Variants in CLEC2D observed in about 807,000 individuals in gnomAD.
CLEC2D encodes the protein C-type lectin related f.
Under a neutral mutation model 20.0 loss-of-function variants are expected in CLEC2D, and 16 were observed. The observed-to-expected ratio is 0.80, with a 90% CI of 0.54 to 1.22. The LOEUF (loss-of-function observed/expected upper bound fraction) is 1.22, where lower values mean the gene tolerates loss of function less well. Ranked by LOEUF, CLEC2D falls within the 50% of genes most tolerant of loss-of-function variation. CLEC2D has a pLI of 0.00. For missense variants in CLEC2D, 207 were observed against 221.5 expected (o/e 0.93, Z 0.42); for synonymous variants, 77 against 71.1 (o/e 1.08, Z -0.42).
intron 3 of CLEC2D, among the ~76,000 whole-genome samples, chr12:9,691,469 C>T (rs763955463): frequency 1.3e-5 from 2 of 151,850 alleles, no homozygotes; most frequent in African/African-American, 2.4e-5. Flanking sequence ...ATTAATTCTT[C>T]TCAAATGCAC....
At chr12:9,688,663 T>G (rs765215191) in intron 3 of CLEC2D, among the ~76,000 whole-genome samples, 2 of 152,270 alleles carry the variant, frequency 1.3e-5, no homozygotes, top group South Asian at 4.1e-4. Flanking sequence ...AGGCCTACAG[T>G]TAGCTGAAAT....
At chr12:9,680,747 T>C (rs1365410518) in intron 1 of CLEC2D, among the ~76,000 whole-genome samples, 176 bp from the exon 2 acceptor site, 1 of 152,184 alleles carries the variant, frequency 6.6e-6, no homozygotes, top group African/African-American at 2.4e-5. Context: ...TCTTTTAACT[T>C]TGGAAAATGA....
intron 3 of CLEC2D, among the ~76,000 whole-genome samples, chr12:9,689,665 T>TA (rs1435811548): frequency 6.6e-6 from 1 of 151,884 alleles, no homozygotes; most frequent in African/African-American, 2.4e-5. Flanking sequence ...GTAGAAATTG[T>TA]AAAAAAGAAC....
chr12:9,697,178 A>G lies in CLEC2D; in HGVS notation c.*2304A>G, dbSNP rs982551408. The G allele has an allele frequency of 3.3e-5, 5 of 152,162 alleles. No homozygotes were observed. Among genetic ancestry groups the G allele is most frequent in the African/African-American group, 1.2e-4 (5 of 41,442 alleles). 9.4% of individuals were successfully genotyped at this position (152,162 alleles called of 1,614,324 possible). On this transcript the variant is annotated 3_prime_UTR_variant, in exon 5 of 5. Coordinates refer to ENST00000290855, the MANE Select transcript of CLEC2D (RefSeq NM_013269.6). ...AACAAAATCTCTGCAGCACTGTGAC[A>G]TGTTAGTGATGGCCATAACACCCAC...
At position 9,680,683 on chromosome 12, in the gene CLEC2D, T is replaced by A. The variant is rs192443770; in HGVS notation, c.62-240T>A. ...ATTCCTGTGGTTTAGTTGACATGAATCTCTCCAATTGAAAGGGTAACTTGA... is the reference window on the plus strand; with the variant it reads ...ATTCCTGTGGTTTAGTTGACATGAAACTCTCCAATTGAAAGGGTAACTTGA... On this transcript the variant is annotated intron_variant, in intron 1 of 4. Transcript: ENST00000290855. Among the ~76,000 whole-genome samples the A allele has an allele frequency of 2.9e-3, 444 of 152,306 alleles. 4 individuals are homozygous for A. The highest frequency in any genetic ancestry group is 0.01 in the African/African-American group (424 of 41,564).
chr12:9,672,356 A>G lies in CLEC2D; in HGVS notation c.61+2561A>G, dbSNP rs767463235. 2.0e-5 allele frequency among the ~76,000 whole-genome samples: 3 copies of G among 152,346 alleles called. No homozygotes were observed. In the South Asian group the frequency reaches 6.2e-4, roughly 32 times the overall value. ...TGAACTTTGGAGACACATTCAAACCATAGCAGTCTCTAACATCAACATTCT... is the reference window on the plus strand; with the variant it reads ...TGAACTTTGGAGACACATTCAAACCGTAGCAGTCTCTAACATCAACATTCT... On this transcript the variant is annotated intron_variant, in intron 1 of 4. Coordinates refer to ENST00000290855, the MANE Select transcript of CLEC2D (RefSeq NM_013269.6).
At chr12:9,675,191 CT>C (rs56363104) in intron 1 of CLEC2D, among the ~76,000 whole-genome samples, 81,382 of 129,984 alleles carry the variant, frequency 0.63, 27,833 homozygotes, top group East Asian at 0.96. Context: ...TTGTCTATTC[CT>C]TTTTTTTTTT....
rs1427195060 is a variant in CLEC2D, at chr12:9,694,917, A to G, written c.*43A>G. The G allele has an allele frequency of 1.0e-6, 1 of 986,740 alleles. No homozygotes were observed. The highest frequency in any genetic ancestry group is 1.6e-6 in the Non-Finnish European group (1 of 612,938). The allele number at this position is 986,740 out of a possible 1,614,324, so 61.1% of individuals were successfully genotyped here. A position where few individuals can be genotyped will look rare whatever the true frequency, so the allele number is the denominator to read the frequency against. On this transcript the variant is annotated 3_prime_UTR_variant, in exon 5 of 5. Transcript: ENST00000290855. ...CAACTAATCTTTAGAAGCATATTGG[A>G]ACTGATAACTCCATTTTAAAATGAG...
Position 9,699,195 on chromosome 12 carries a change from C to CTATA in CLEC2D, c.*4322_*4325dup, listed in dbSNP as rs1252906229. 4 of 152,232 alleles carry CTATA rather than the reference C, an allele frequency of 2.6e-5. No individual in the cohort carries two copies. The East Asian group carries it at 7.7e-4, about 29-fold the overall frequency. The allele number at this position is 152,232 out of a possible 1,614,324, so 9.4% of individuals were successfully genotyped here. A position where few individuals can be genotyped will look rare whatever the true frequency, so the allele number is the denominator to read the frequency against. On this transcript the variant is annotated 3_prime_UTR_variant, in exon 5 of 5. Transcript: ENST00000290855. ...CCTAAGGACAAGGGTATATCACCAT[C>CTATA]TATACCCCATTGCTTGGTGGGGTGA...
At chr12:9,693,239 G>A (rs960025575) in intron 4 of CLEC2D, 5 of 676,022 alleles carry the variant, frequency 7.4e-6, no homozygotes, top group Non-Finnish European at 1.3e-5. Context: ...AAATTAAATT[G>A]CACTTGTCCT....
rs776263195 is a variant in CLEC2D, at chr12:9,680,975, A to G, written c.114A>G (p.Leu38=). 6.2e-7 allele frequency: 1 copy of G among 1,608,076 alleles called. No homozygotes were observed. Among genetic ancestry groups the G allele is most frequent in the South Asian group, 1.1e-5 (1 of 90,896 alleles). Residue 38 remains leucine, a synonymous_variant, in exon 2 of 5, where the codon TTA becomes TTG. Transcript: ENST00000290855. ...HSIKATLIWR[L]FFLIMFLTII... Reference sequence around the variant, plus strand: ...TTAAAGCTACCTTAATTTGGCGCTTATTTTTCTTAATCATGTTTCTGACAA... The same window carrying G: ...TTAAAGCTACCTTAATTTGGCGCTTGTTTTTCTTAATCATGTTTCTGACAA...
intron 1 of CLEC2D, among the ~76,000 whole-genome samples, chr12:9,676,588 AGG>A (rs1324838504): frequency 6.6e-6 from 1 of 152,030 alleles, no homozygotes; most frequent in East Asian, 1.9e-4. Flanking sequence ...TGTTTTGTTA[AGG>A]TTTTGCATCT....
chr12:9,694,961 T>A lies in CLEC2D; in HGVS notation c.*87T>A. On this transcript the variant is annotated 3_prime_UTR_variant, in exon 5 of 5. Transcript: ENST00000290855. ...AAATGAGCAAAGAATTTATTTCTTA[T>A]ACCAACAGGTATATGAAAATATGCT... 1 of 698,854 alleles carries A rather than the reference T, an allele frequency of 1.4e-6. No individual in the cohort carries two copies. The highest frequency in any genetic ancestry group is 2.6e-6 in the Non-Finnish European group (1 of 388,982). 43.3% of individuals were successfully genotyped at this position (698,854 alleles called of 1,614,324 possible). A position where few individuals can be genotyped will look rare whatever the true frequency, so the allele number is the denominator to read the frequency against.
intron 1 of CLEC2D, among the ~76,000 whole-genome samples, chr12:9,674,455 T>A (rs760681733): frequency 6.6e-6 from 1 of 152,324 alleles, no homozygotes; most frequent in Admixed American, 6.5e-5. Flanking sequence ...ATGAACTTGG[T>A]ACCTCAGATG....
At position 9,696,975 on chromosome 12, in the gene CLEC2D, A is replaced by G. The variant is rs1866009210; in HGVS notation, c.*2101A>G. The G allele has an allele frequency of 6.6e-6, 1 of 152,142 alleles. No homozygotes were observed. The highest frequency in any genetic ancestry group is 6.6e-5 in the Admixed American group (1 of 15,260). The allele number at this position is 152,142 out of a possible 1,614,324, so 9.4% of individuals were successfully genotyped here. Reference sequence around the variant, plus strand: ...ACGGAACTAACTGAAGTGACCATTAACAGATGAATGGATAAAGAAATTGTC... The same window carrying G: ...ACGGAACTAACTGAAGTGACCATTAGCAGATGAATGGATAAAGAAATTGTC... On this transcript the variant is annotated 3_prime_UTR_variant, in exon 5 of 5. Coordinates refer to ENST00000290855, the MANE Select transcript of CLEC2D (RefSeq NM_013269.6).
Position 9,694,958 on chromosome 12 carries a change from T to G in CLEC2D, c.*84T>G, listed in dbSNP as rs774181179. ...TTAAAATGAGCAAAGAATTTATTTC[T>G]TATACCAACAGGTATATGAAAATAT... On this transcript the variant is annotated 3_prime_UTR_variant, in exon 5 of 5. Transcript: ENST00000290855. 1 of 719,724 alleles carries G rather than the reference T, an allele frequency of 1.4e-6. No individual in the cohort carries two copies. Among genetic ancestry groups the G allele is most frequent in the African/African-American group, 1.8e-5 (1 of 56,672 alleles). The allele number at this position is 719,724 out of a possible 1,614,324, so 44.6% of individuals were successfully genotyped here.
rs990407183 is a variant in CLEC2D, at chr12:9,697,503, G to T, written c.*2629G>T. 6.6e-6 allele frequency: 1 copy of T among 151,598 alleles called. No homozygotes were observed. Among genetic ancestry groups the T allele is most frequent in the Non-Finnish European group, 1.5e-5 (1 of 68,016 alleles). The allele number at this position is 151,598 out of a possible 1,614,324, so 9.4% of individuals were successfully genotyped here. A position where few individuals can be genotyped will look rare whatever the true frequency, so the allele number is the denominator to read the frequency against. ...TTCTGGGCTCTCAGCTCTGAAGGCT[G>T]TGAGACCCCTGATTTCCCACTTCAC... On this transcript the variant is annotated 3_prime_UTR_variant, in exon 5 of 5. Transcript: ENST00000290855.
At chr12:9,683,177 C>T (rs181379763) in intron 2 of CLEC2D, among the ~76,000 whole-genome samples, 7 of 152,124 alleles carry the variant, frequency 4.6e-5, no homozygotes, top group Non-Finnish European at 8.8e-5. Context: ...ATCTTTTGCC[C>T]ATTTTTTGAT....
At position 9,695,271 on chromosome 12, in the gene CLEC2D, A is replaced by G; in HGVS notation, c.*397A>G. On this transcript the variant is annotated 3_prime_UTR_variant, in exon 5 of 5. Coordinates refer to ENST00000290855, the MANE Select transcript of CLEC2D (RefSeq NM_013269.6). Reference sequence around the variant, plus strand: ...ATACAACCATCAGATATCTTGAGACAAGAACAGTATGGGGCTCCCTGGTGT... The same window carrying G: ...ATACAACCATCAGATATCTTGAGACGAGAACAGTATGGGGCTCCCTGGTGT... 1.5e-6 allele frequency: 1 copy of G among 684,072 alleles called. No individual in the cohort carries two copies. The highest frequency in any genetic ancestry group is 2.6e-6 in the Non-Finnish European group (1 of 379,976). The allele number at this position is 684,072 out of a possible 1,614,324, so 42.4% of individuals were successfully genotyped here. A position where few individuals can be genotyped will look rare whatever the true frequency, so the allele number is the denominator to read the frequency against.
Sources: allele counts gnomAD v4.1 joint callset (sites outside exome capture counted in the v4.1 genomes callset), GRCh38; gene constraint gnomAD v4.1.1; transcripts MANE v1.5; gene names NCBI Gene and HGNC (gene_info 2026-07-23, HGNC 2026-07-21).